The following CMC1 variants were observed in gnomAD, a reference collection of about 807,000 sequenced individuals.
CMC1 encodes COX assembly mitochondrial protein homolog.
CMC1 carries 14 observed loss-of-function variants against 14.1 expected under a neutral mutation model. The observed-to-expected ratio is 0.99, with a 90% CI of 0.66 to 1.55. CMC1 has a LOEUF of 1.55. Ranked by LOEUF, CMC1 falls within the 40% of genes most tolerant of loss-of-function variation. CMC1 has a pLI of 0.00. For synonymous variants in CMC1, 50 were observed against 38.4 expected, an observed-to-expected ratio of 1.30 and a Z score of -1.12; for missense variants, 127 against 123.8, an observed-to-expected ratio of 1.03 and a Z score of -0.12.
chr3:28,263,298 T>C lies in CMC1; in HGVS notation c.27T>C (p.His9=), dbSNP rs1300453828. 1 of 1,602,222 alleles carries C rather than the reference T, an allele frequency of 6.2e-7. No individual in the cohort carries two copies. The highest frequency in any genetic ancestry group is 1.1e-5 in the South Asian group (1 of 89,316). Reference sequence around the variant, plus strand: ...AGATCTTTTTTTTTTCAGACCAGCATCTCAGACATGTCGAAAAAGATGTTT... The same window carrying C: ...AGATCTTTTTTTTTTCAGACCAGCACCTCAGACATGTCGAAAAAGATGTTT... MALDPADQ[H]LRHVEKDVLI... Residue 9 remains histidine, a synonymous_variant, in exon 2 of 4, where the codon CAT becomes CAC. Coordinates refer to ENST00000466830, the MANE Select transcript of CMC1 (RefSeq NM_182523.2).
rs1236767913 is a variant in CMC1, at chr3:28,316,490, C to T, written c.200+67C>T. 3.6e-6 allele frequency: 3 copies of T among 827,888 alleles called. No individual in the cohort carries two copies. In the Admixed American group the frequency reaches 8.3e-5, roughly 23 times the overall value. The allele number at this position is 827,888 out of a possible 1,614,324, so 51.3% of individuals were successfully genotyped here. The stretch of plus-strand genomic sequence containing the variant: ...TGGTAGATAAGAGTATGTTACTTAA[C>T]TCATTACATGTAATATATTCTGTAC... On this transcript the variant is annotated intron_variant, in intron 3 of 3. Coordinates refer to ENST00000466830, the MANE Select transcript of CMC1 (RefSeq NM_182523.2).
chr3:28,256,053 G>C (rs1349508138), intron 1 of CMC1, among the ~76,000 whole-genome samples: 1 of 151,968 alleles, frequency 6.6e-6, no homozygotes, highest in African/African-American at 2.4e-5. Flanking sequence ...TCTTACACAT[G>C]CACACATACA....
chr3:28,293,674 T>C (rs1003266105), intron 2 of CMC1, among the ~76,000 whole-genome samples: 1 of 152,082 alleles, frequency 6.6e-6, no homozygotes, highest in Non-Finnish European at 1.5e-5. Context: ...CTCTGCCTCC[T>C]GGATTCAAGT....
chr3:28,257,768 C>T (rs183776040), intron 1 of CMC1, among the ~76,000 whole-genome samples: 13 of 152,194 alleles, frequency 8.5e-5, no homozygotes, highest in African/African-American at 2.6e-4. Flanking sequence ...CTGCCCGCCT[C>T]GGCCTCCTAA....
chr3:28,269,951 G>A (rs1392767376), intron 2 of CMC1, among the ~76,000 whole-genome samples: 1 of 152,154 alleles, frequency 6.6e-6, no homozygotes, highest in Non-Finnish European at 1.5e-5. Flanking sequence ...AGACCCCAGT[G>A]AGTGTTGTTC....
At chr3:28,245,538 C>T (rs1288247501) in intron 1 of CMC1, among the ~76,000 whole-genome samples, 3 of 152,154 alleles carry the variant, frequency 2.0e-5, no homozygotes, top group Admixed American at 2.0e-4. Flanking sequence ...GCATGGCAGC[C>T]TAAGGGAAGT....
chr3:28,321,445 G>C lies in CMC1; in HGVS notation c.*1816G>C, dbSNP rs1276327831. The C allele has an allele frequency of 6.6e-6, 1 of 151,356 alleles. No homozygotes were observed. The highest frequency in any genetic ancestry group is 1.5e-5 in the Non-Finnish European group (1 of 67,542). 9.4% of individuals were successfully genotyped at this position (151,356 alleles called of 1,614,324 possible). ...TTAGATTACACAGTATAAATAATATGTTCATCCTCCTTATGTCAAAGACTA... is the reference window on the plus strand; with the variant it reads ...TTAGATTACACAGTATAAATAATATCTTCATCCTCCTTATGTCAAAGACTA... On this transcript the variant is annotated 3_prime_UTR_variant, in exon 4 of 4. Transcript: ENST00000466830.
At chr3:28,259,846 C>T (rs1322623384) in intron 1 of CMC1, among the ~76,000 whole-genome samples, 1 of 142,648 alleles carries the variant, frequency 7.0e-6, no homozygotes, top group Non-Finnish European at 1.6e-5. Context: ...CCAGTTTTTA[C>T]GTGTACTCAT....
At chr3:28,263,787 G>A (rs1699853954) in intron 2 of CMC1, among the ~76,000 whole-genome samples, 1 of 152,032 alleles carries the variant, frequency 6.6e-6, no homozygotes, top group South Asian at 2.1e-4. Context: ...TTTCTTTGGT[G>A]TCATTGTCTA....
At chr3:28,296,971 ATTAG>A (rs1701770021) in intron 2 of CMC1, 1 of 151,962 alleles carries the variant, frequency 6.6e-6, no homozygotes, top group Admixed American at 6.6e-5. Context: ...TCAAACTCTT[ATTAG>A]TTATTTATGT....
chr3:28,262,456 A>G (rs1412874827), intron 1 of CMC1, among the ~76,000 whole-genome samples: 1 of 152,124 alleles, frequency 6.6e-6, no homozygotes. Context: ...GGAGGTGACC[A>G]TTTGGCTCCT....
intron 2 of CMC1, among the ~76,000 whole-genome samples, chr3:28,287,148 C>T (rs567988575): frequency 1.3e-5 from 2 of 152,256 alleles, no homozygotes; most frequent in African/African-American, 2.4e-5. Flanking sequence ...AATCAGCTTC[C>T]TCCCTTATTC....
chr3:28,248,686 A>G (rs1374833491), intron 1 of CMC1, among the ~76,000 whole-genome samples: 1 of 152,212 alleles, frequency 6.6e-6, no homozygotes, highest in African/African-American at 2.4e-5. Context: ...TATGAGAAGT[A>G]TTACCTTGTA....
At chr3:28,315,403 T>C (rs946347407) in intron 2 of CMC1, among the ~76,000 whole-genome samples, 2 of 152,170 alleles carry the variant, frequency 1.3e-5, no homozygotes, top group African/African-American at 4.8e-5. Flanking sequence ...TTGAAGTATC[T>C]ACAGCACCTA....
intron 2 of CMC1, among the ~76,000 whole-genome samples, chr3:28,263,839 G>A (rs754807202): frequency 6.6e-6 from 1 of 152,086 alleles, no homozygotes; most frequent in African/African-American, 2.4e-5. Context: ...CTTACAGTGA[G>A]TCTGGGGTTT....
At chr3:28,245,296 A>G (rs919162690) in intron 1 of CMC1, among the ~76,000 whole-genome samples, 1 of 152,064 alleles carries the variant, frequency 6.6e-6, no homozygotes, top group Non-Finnish European at 1.5e-5. Flanking sequence ...TTTTTTGTTA[A>G]TGTAGCAGTA....
rs577141541 is a variant in CMC1, at chr3:28,322,668, CCT to C, written c.*3040_*3041del. On this transcript the variant is annotated 3_prime_UTR_variant, in exon 4 of 4. Coordinates refer to ENST00000466830, the MANE Select transcript of CMC1 (RefSeq NM_182523.2). ...ATTACTTGGCAGGAGATTGTACTCC[CCT>C]GAGTCAGCTGTGTTCATTGGTCAGA... The C allele has an allele frequency of 1.2e-3, 181 of 151,616 alleles. No individual in the cohort carries two copies. The highest frequency in any genetic ancestry group is 9.3e-3 in the East Asian group (48 of 5,136). 9.4% of individuals were successfully genotyped at this position (151,616 alleles called of 1,614,324 possible).
intron 2 of CMC1, among the ~76,000 whole-genome samples, chr3:28,309,553 C>G (rs1702513152): frequency 6.6e-6 from 1 of 152,032 alleles, no homozygotes; most frequent in Non-Finnish European, 1.5e-5. Context: ...TATTCACTCA[C>G]TTCTGTCCTT....
chr3:28,286,754 T>C lies in CMC1; in HGVS notation c.109+23374T>C, dbSNP rs371925721. Among the ~76,000 whole-genome samples, 16 of 152,274 alleles carry C rather than the reference T, an allele frequency of 1.1e-4. No homozygotes were observed. The East Asian group carries it at 3.1e-3, about 29-fold the overall frequency. On this transcript the variant is annotated intron_variant, in intron 2 of 3. Transcript: ENST00000466830. ...TAAACTGCTGAGGAACTGAAGTGTA[T>C]ATTATGAAGTAAAGATTGAAGCTCA...
Sources: allele counts gnomAD v4.1 joint callset (sites outside exome capture counted in the v4.1 genomes callset), GRCh38; gene constraint gnomAD v4.1.1; transcripts MANE v1.5; gene names NCBI Gene and HGNC (gene_info 2026-07-23, HGNC 2026-07-21).